The following PLCH1 variants were observed in gnomAD, a reference collection of about 807,000 sequenced individuals.
PLCH1 encodes the protein 1-phosphatidylinositol 4,5-bisphosphate phosphodiesterase eta-1.
PLCH1 carries 60 observed loss-of-function variants against 126.7 expected under a neutral mutation model. The ratio of observed to expected loss-of-function variants is 0.47; its 90% CI spans 0.38 to 0.59. PLCH1 has a LOEUF of 0.59. PLCH1 is among the 20% of genes least tolerant of loss of function. The pLI is 0.00. For synonymous variants in PLCH1, 719 were observed against 734.9 expected (o/e 0.98, Z 0.35); for missense variants, 1,723 against 2,040.0 (o/e 0.84, Z 2.99).
At chr3:155,523,531 G>A (rs906929095) in intron 11 of PLCH1, among the ~76,000 whole-genome samples, 14 of 152,162 alleles carry the variant, frequency 9.2e-5, no homozygotes, top group East Asian at 1.9e-4. Context: ...AGGGAGCATG[G>A]GGGGCTGCTA....
chr3:155,587,595 G>T (rs1350715446), intron 4 of PLCH1, among the ~76,000 whole-genome samples: 2 of 152,238 alleles, frequency 1.3e-5, no homozygotes, highest in Non-Finnish European at 2.9e-5. Context: ...CAGGTAATGT[G>T]AAGTACAAAC....
chr3:155,519,081 G>A (rs1013038467), intron 11 of PLCH1, among the ~76,000 whole-genome samples: 1 of 152,228 alleles, frequency 6.6e-6, no homozygotes, highest in Non-Finnish European at 1.5e-5. Flanking sequence ...AAAATTGGCA[G>A]CTGTGAAGAA....
At chr3:155,635,138 A>C (rs1738565048) in intron 2 of PLCH1, among the ~76,000 whole-genome samples, 1 of 109,014 alleles carries the variant, frequency 9.2e-6, no homozygotes, top group Non-Finnish European at 1.7e-5. Context: ...TCATTTCTTA[A>C]TTAAAAAAAA....
At chr3:155,486,341 A>C in intron 21 of PLCH1, 1 of 605,376 alleles carries the variant, frequency 1.7e-6, no homozygotes, top group Non-Finnish European at 2.9e-6. Context: ...TTTTAGTCTT[A>C]TGCTCATTCA....
intron 2 of PLCH1, among the ~76,000 whole-genome samples, chr3:155,693,966 A>T (rs1434506076): frequency 1.3e-5 from 2 of 152,152 alleles, no homozygotes; most frequent in Non-Finnish European, 2.9e-5. Context: ...AAAGAAAAAC[A>T]GCAGCTACAA....
chr3:155,629,564 T>C (rs1737772339), intron 2 of PLCH1, among the ~76,000 whole-genome samples: 1 of 152,232 alleles, frequency 6.6e-6, no homozygotes, highest in African/African-American at 2.4e-5. Flanking sequence ...CAAAGATTCA[T>C]GATTGTTTCC....
intron 2 of PLCH1, among the ~76,000 whole-genome samples, chr3:155,633,111 C>T (rs771940628): frequency 4.0e-5 from 6 of 151,840 alleles, no homozygotes; most frequent in East Asian, 3.9e-4. Flanking sequence ...AGTCAGGAGA[C>T]GTTTTAGATC....
chr3:155,637,255 GA>G (rs1738839960), intron 2 of PLCH1, among the ~76,000 whole-genome samples: 1 of 152,172 alleles, frequency 6.6e-6, no homozygotes, highest in Admixed American at 6.5e-5. Context: ...ATAAATTAAT[GA>G]GCCCTCAGTC....
At chr3:155,718,951 C>T (rs1367599860) in intron 1 of PLCH1, among the ~76,000 whole-genome samples, 1 of 152,060 alleles carries the variant, frequency 6.6e-6, no homozygotes, top group Non-Finnish European at 1.5e-5. Flanking sequence ...ATTTTGAAGT[C>T]ATGTTATTTC....
intron 2 of PLCH1, among the ~76,000 whole-genome samples, chr3:155,687,134 A>G (rs1745012544): frequency 6.6e-6 from 1 of 152,228 alleles, no homozygotes; most frequent in African/African-American, 2.4e-5. Flanking sequence ...CTCTTTTGCT[A>G]GAAAAGACAT....
At chr3:155,606,917 T>C (rs989276533) in intron 2 of PLCH1, among the ~76,000 whole-genome samples, 2 of 152,222 alleles carry the variant, frequency 1.3e-5, no homozygotes, top group African/African-American at 4.8e-5. Context: ...TATTATGCCC[T>C]AGAAACTGAC....
intron 2 of PLCH1, among the ~76,000 whole-genome samples, chr3:155,619,227 A>AT (rs1359031059): frequency 4.0e-5 from 6 of 148,622 alleles, no homozygotes; most frequent in Middle Eastern, 3.4e-3. Flanking sequence ...TGTCTAATTC[A>AT]TTTCTTAAAG....
intron 9 of PLCH1, among the ~76,000 whole-genome samples, chr3:155,550,184 C>T (rs1258740270): frequency 1.3e-5 from 2 of 152,114 alleles, no homozygotes; most frequent in African/African-American, 2.4e-5. Context: ...AATACCAATC[C>T]ACATGGGATG....
intron 1 of PLCH1, among the ~76,000 whole-genome samples, chr3:155,723,596 T>A (rs1295760639): frequency 6.6e-6 from 1 of 152,158 alleles, no homozygotes; most frequent in Non-Finnish European, 1.5e-5. Flanking sequence ...TAGCATTGCC[T>A]TTGTTGTATC....
chr3:155,486,004 T>C, intron 21 of PLCH1: 1 of 634,246 alleles, frequency 1.6e-6, no homozygotes, highest in African/African-American at 1.8e-5. Flanking sequence ...CATAGACTGC[T>C]ATGAACTTCA....
At chr3:155,619,565 G>A (rs1736208796) in intron 2 of PLCH1, among the ~76,000 whole-genome samples, 1 of 150,838 alleles carries the variant, frequency 6.6e-6, no homozygotes, top group South Asian at 2.1e-4. Flanking sequence ...ATTTTATCCA[G>A]AGAGTTCCAA....
chr3:155,500,271 G>A (rs1717701660), intron 14 of PLCH1, among the ~76,000 whole-genome samples: 1 of 152,164 alleles, frequency 6.6e-6, no homozygotes, highest in African/African-American at 2.4e-5. Context: ...TCCTTACAAT[G>A]ACTCTAAGAG....
intron 2 of PLCH1, among the ~76,000 whole-genome samples, chr3:155,606,469 C>T: frequency 6.6e-6 from 1 of 152,166 alleles, no homozygotes; most frequent in East Asian, 1.9e-4. Flanking sequence ...AGGAAACTTT[C>T]AGCCTTGGTG....
rs767228255 is a variant in PLCH1 at position 155,482,175 on chromosome 3, G to C, written c.3851C>G (p.Ser1284Cys). The C allele has an allele frequency of 1.2e-6, 2 of 1,614,242 alleles. No individual in the cohort carries two copies. The highest frequency in any genetic ancestry group is 3.3e-5 in the Admixed American group (2 of 60,030). Residue 1284 changes from serine to cysteine, a missense_variant, in exon 23 of 23, where the codon TCT (serine) becomes TGT (cysteine). Coordinates refer to ENST00000460012, the MANE Select transcript of PLCH1 (RefSeq NM_014996.4). ...TAAGGCCGCTGTCTTGGCCTTACTA[G>C]AAAGGTCATCATCTGGTTTGGTTTT... ...ISKTKPDDDL[S>C]SKAKTAALES...
Sources: gnomAD v4.1 joint callset for allele counts (sites outside exome capture counted in the v4.1 genomes callset) on GRCh38, gnomAD v4.1.1 for gene constraint, MANE v1.5 for transcripts, NCBI Gene and HGNC (gene_info 2026-07-23, HGNC 2026-07-21) for gene names.